Variants in TCF12 observed in about 807,000 individuals in gnomAD.
The protein encoded by TCF12 is transcription factor 12.
TCF12 carries 45 observed loss-of-function variants against 86.0 expected under a neutral mutation model. The ratio of observed to expected loss-of-function variants is 0.52; its 90% CI spans 0.41 to 0.67. The LOEUF (loss-of-function observed/expected upper bound fraction) is 0.67. Among genes scored for constraint, TCF12 ranks in the 30% least tolerant of loss-of-function variants. The pLI is 0.00. For synonymous variants in TCF12, 330 were observed against 299.6 expected (o/e 1.10, Z -1.05); for missense variants, 881 against 859.9 (o/e 1.02, Z -0.31).
At chr15:57,049,208 CT>C (rs1489052154) in intron 3 of TCF12, among the ~76,000 whole-genome samples, 1 of 152,174 alleles carries the variant, frequency 6.6e-6, no homozygotes, top group Admixed American at 6.5e-5. Context: ...GCATTTGTTG[CT>C]ATGTAGTTCA....
chr15:57,177,638 G>GAGAGAGAGAGAGAGA (rs2056039089), intron 6 of TCF12, among the ~76,000 whole-genome samples: 1 of 151,108 alleles, frequency 6.6e-6, no homozygotes, highest in African/African-American at 2.4e-5. Context: ...GAGAGAGAGA[G>GAGAGAGAGAGAGAGA]TTGGATTAGG....
chr15:56,942,641 GT>G (rs1412935454), intron 3 of TCF12, among the ~76,000 whole-genome samples: 6 of 1,884 alleles, frequency 3.2e-3, no homozygotes, highest in Non-Finnish European at 6.9e-3. Context: ...CTTTAGTATC[GT>G]ATGTGTAACA....
chr15:56,985,015 GC>G (rs1743570337), intron 3 of TCF12, among the ~76,000 whole-genome samples: 1 of 152,152 alleles, frequency 6.6e-6, no homozygotes, highest in African/African-American at 2.4e-5. Context: ...TAAAAGTCAG[GC>G]CCTGAATCAG....
chr15:57,001,520 A>G (rs1421870198), intron 3 of TCF12: 3 of 161,878 alleles, frequency 1.9e-5, no homozygotes, highest in Admixed American at 1.3e-4. Flanking sequence ...CATAGATTTA[A>G]AAAATATTCG....
intron 3 of TCF12, among the ~76,000 whole-genome samples, chr15:57,049,613 A>G (rs2067477742): frequency 6.6e-6 from 1 of 152,192 alleles, no homozygotes; most frequent in Non-Finnish European, 1.5e-5. Context: ...CCCCTTGGGT[A>G]TCTATAGACA....
intron 5 of TCF12, among the ~76,000 whole-genome samples, chr15:57,145,131 A>T (rs1049545142): frequency 6.6e-6 from 1 of 152,224 alleles, no homozygotes; most frequent in Non-Finnish European, 1.5e-5. Context: ...GAACATTTCC[A>T]TATGCCCAGG....
intron 3 of TCF12, among the ~76,000 whole-genome samples, chr15:57,030,225 G>GATTGATTAATTGATTAATCA (rs560686073): frequency 2.6e-5 from 4 of 152,154 alleles, no homozygotes; most frequent in Non-Finnish European, 2.9e-5. Context: ...TTGCTTTATT[G>GATTGATTAATTGATTAATCA]ATTGATTAAT....
chr15:57,232,800 C>T lies in TCF12; in HGVS notation c.914C>T (p.Ser305Leu). The change falls in exon 11 of 21, where the codon TCA becomes TTA. Residue 305 changes from serine to leucine, a missense_variant. Coordinates refer to ENST00000333725, the MANE Select transcript of TCF12 (RefSeq NM_207037.2). ...SSFHRGSTSS[S>L]PYVAASHTPP... ...TTTCATCGCGGCAGTACCAGCAGTT[C>T]ACCTTACGTTGCTGCCTCACACACT... The T allele has an allele frequency of 6.2e-7, 1 of 1,612,716 alleles. No individual in the cohort carries two copies. Among genetic ancestry groups the T allele is most frequent in the Non-Finnish European group, 8.5e-7 (1 of 1,179,384 alleles).
chr15:57,177,639 T>A (rs1183127580), intron 6 of TCF12, among the ~76,000 whole-genome samples: 118 of 19,386 alleles, frequency 6.1e-3, no homozygotes, highest in Middle Eastern at 0.042. Flanking sequence ...AGAGAGAGAG[T>A]TGGATTAGGC....
At chr15:56,971,782 A>C (rs1391764228) in intron 3 of TCF12, among the ~76,000 whole-genome samples, 1 of 152,174 alleles carries the variant, frequency 6.6e-6, no homozygotes, top group Non-Finnish European at 1.5e-5. Context: ...CTGTAGTTTC[A>C]CTTTCTGGGG....
At chr15:57,117,253 C>G (rs1303094400) in intron 5 of TCF12, among the ~76,000 whole-genome samples, 2 of 151,862 alleles carry the variant, frequency 1.3e-5, no homozygotes, top group African/African-American at 2.4e-5. Flanking sequence ...ACTAGGTTGC[C>G]CAGGTTGGGC....
chr15:57,090,121 G>A (rs2048897632), intron 4 of TCF12, among the ~76,000 whole-genome samples: 1 of 152,090 alleles, frequency 6.6e-6, no homozygotes, highest in Admixed American at 6.5e-5. Context: ...GGGAGCCTGA[G>A]GTGGGAGGAT....
chr15:57,070,939 A>AT (rs1237654826), intron 4 of TCF12, among the ~76,000 whole-genome samples: 18 of 152,166 alleles, frequency 1.2e-4, no homozygotes, highest in African/African-American at 4.3e-4. Flanking sequence ...GTCCAGTGGC[A>AT]TAAGAACAGT....
chr15:57,083,171 C>T (rs912385734), intron 4 of TCF12, among the ~76,000 whole-genome samples: 1 of 152,060 alleles, frequency 6.6e-6, no homozygotes, highest in African/African-American at 2.4e-5. Context: ...ATAGTGTTTG[C>T]TTCTAATGGG....
At chr15:56,965,200 T>A (rs1463069727) in intron 3 of TCF12, among the ~76,000 whole-genome samples, 1 of 152,188 alleles carries the variant, frequency 6.6e-6, no homozygotes. Flanking sequence ...TCCTCATATT[T>A]GGCTTGACTG....
chr15:57,225,220 CTTTTTTTTT>C (rs139530756), intron 8 of TCF12, among the ~76,000 whole-genome samples: 3 of 39,770 alleles, frequency 7.5e-5, no homozygotes, highest in East Asian at 8.1e-4. Flanking sequence ...CTGATATATG[CTTTTTTTTT>C]TTTTTTTTTT....
At chr15:57,255,631 C>G (rs997539716) in intron 16 of TCF12, among the ~76,000 whole-genome samples, 35 of 151,894 alleles carry the variant, frequency 2.3e-4, no homozygotes, top group African/African-American at 8.0e-4. Context: ...TTATAGGCAC[C>G]CGCCACCACG....
At chr15:56,966,570 C>A (rs779272068) in intron 3 of TCF12, among the ~76,000 whole-genome samples, 2 of 152,136 alleles carry the variant, frequency 1.3e-5, no homozygotes, top group Admixed American at 1.3e-4. Flanking sequence ...TCTTATTTCT[C>A]TGTTAGTCTC....
At chr15:56,955,360 T>A (rs2061462015) in intron 3 of TCF12, among the ~76,000 whole-genome samples, 1 of 150,408 alleles carries the variant, frequency 6.6e-6, no homozygotes, top group Admixed American at 6.6e-5. Context: ...GTGAGAACTC[T>A]AGGACACAGG....
Sources: allele counts gnomAD v4.1 joint callset (sites outside exome capture counted in the v4.1 genomes callset), GRCh38; gene constraint gnomAD v4.1.1; transcripts MANE v1.5; gene names NCBI Gene and HGNC (gene_info 2026-07-23, HGNC 2026-07-21).